The following SSU72 variants were observed in gnomAD, a reference collection of about 807,000 sequenced individuals.
SSU72 encodes SSU72 homolog, RNA polymerase II CTD phosphatase.
In SSU72, 12 loss-of-function variants were observed where a neutral mutation model predicts 22.7. The observed-to-expected ratio is 0.53, with a 90% CI of 0.34 to 0.86. The LOEUF is 0.86. SSU72 is among the 40% of genes least tolerant of loss of function. The pLI, the probability that SSU72 is intolerant of heterozygous loss-of-function variation, is 0.02. For synonymous variants in SSU72, 116 were observed against 98.3 expected, an observed-to-expected ratio of 1.18 and a Z score of -1.06; for missense variants, 151 against 249.8, an observed-to-expected ratio of 0.60 and a Z score of 2.67.
chr1:1,552,395 G>T (rs1160743826), intron 2 of SSU72, among the ~76,000 whole-genome samples: 1 of 152,242 alleles, frequency 6.6e-6, no homozygotes, highest in Non-Finnish European at 1.5e-5. Context: ...TGAGGTCAAA[G>T]GTCAGGGAGC....
intron 2 of SSU72, 34 bp downstream of exon 2, chr1:1,564,739 C>T (rs767854588): frequency 4.3e-6 from 7 of 1,614,052 alleles, no homozygotes; most frequent in African/African-American, 2.7e-5. Flanking sequence ...GAGGACCACA[C>T]GGGGGGTTTT....
chr1:1,566,796 G>C (rs921247598), intron 1 of SSU72, among the ~76,000 whole-genome samples: 1 of 151,794 alleles, frequency 6.6e-6, no homozygotes, highest in Admixed American at 6.6e-5. Context: ...AGAGGTTGCA[G>C]TGAGCTGAGA....
chr1:1,565,015 C>T, intron 1 of SSU72, 99 bp from the exon 2 acceptor site: 1 of 1,440,820 alleles, frequency 6.9e-7, no homozygotes, highest in South Asian at 1.4e-5. Flanking sequence ...TGAGTAATTT[C>T]ATTGGCTCAT....
In SSU72 at chr1:1,541,758, G is replaced by A; in HGVS notation, c.*308C>T. ...CTGTACAGTCCGGCCCGGTGGGGAGGAGGGAGGGAAGGCAGGCACACGAAG... is the reference window on the plus strand; with the variant it reads ...CTGTACAGTCCGGCCCGGTGGGGAGAAGGGAGGGAAGGCAGGCACACGAAG... On this transcript the variant is annotated 3_prime_UTR_variant, in exon 5 of 5. Coordinates refer to ENST00000291386, the MANE Select transcript of SSU72 (RefSeq NM_014188.3). The A allele has an allele frequency of 2.6e-6, 1 of 388,364 alleles. No individual in the cohort carries two copies. Among genetic ancestry groups the A allele is most frequent in the South Asian group, 2.2e-5 (1 of 45,560 alleles). The allele number at this position is 388,364 out of a possible 1,614,324, so 24.1% of individuals were successfully genotyped here. A position where few individuals can be genotyped will look rare whatever the true frequency, so the allele number is the denominator to read the frequency against.
At chr1:1,573,538 C>T (rs1642766350) in intron 1 of SSU72, among the ~76,000 whole-genome samples, 1 of 151,474 alleles carries the variant, frequency 6.6e-6, no homozygotes, top group Non-Finnish European at 1.5e-5. Flanking sequence ...TGGTCTCCAA[C>T]TCCTGACTTC....
rs889376076 is a variant in SSU72 at position 1,574,062 on chromosome 1, C to A, written c.80+416G>T. Reference sequence around the variant, plus strand: ...AGAAGAAGTAGCAAACACACAAATCCATGGCATTAAAAAAAGAGACCGCTT... The same window carrying A: ...AGAAGAAGTAGCAAACACACAAATCAATGGCATTAAAAAAAGAGACCGCTT... On this transcript the variant is annotated intron_variant, in intron 1 of 4. Coordinates refer to ENST00000291386, the MANE Select transcript of SSU72 (RefSeq NM_014188.3). 1.7e-4 allele frequency among the ~76,000 whole-genome samples: 26 copies of A among 151,588 alleles called. 1 individual carries two copies. Among genetic ancestry groups the A allele is most frequent in the Admixed American group, 1.7e-3 (26 of 15,216 alleles).
At chr1:1,566,411 C>G (rs1642661768) in intron 1 of SSU72, among the ~76,000 whole-genome samples, 2 of 152,122 alleles carry the variant, frequency 1.3e-5, no homozygotes, top group African/African-American at 4.8e-5. Flanking sequence ...AGGAATCTGC[C>G]TGGCTCAGGG....
chr1:1,551,077 CA>C lies in SSU72; in HGVS notation c.225-6076del, dbSNP rs1217545331. 3.3e-5 allele frequency among the ~76,000 whole-genome samples: 5 copies of C among 152,274 alleles called. No individual in the cohort carries two copies. In the East Asian group the frequency reaches 9.6e-4, roughly 29 times the overall value. Reference sequence around the variant, plus strand: ...CCTGGCTGCTTCCCCAGGCCAGCTGCACGGGGACCTTCCATGTGGGTTAAAT... The same window carrying C: ...CCTGGCTGCTTCCCCAGGCCAGCTGCCGGGGACCTTCCATGTGGGTTAAAT... On this transcript the variant is annotated intron_variant, in intron 2 of 4. Transcript: ENST00000291386.
chr1:1,572,157 G>C (rs549853934), intron 1 of SSU72, among the ~76,000 whole-genome samples: 1 of 149,124 alleles, frequency 6.7e-6, no homozygotes, highest in East Asian at 2.1e-4. Flanking sequence ...GCCAGGCGCA[G>C]TAGCTCACGC....
chr1:1,553,138 G>A (rs1024576863), intron 2 of SSU72, among the ~76,000 whole-genome samples: 10 of 152,006 alleles, frequency 6.6e-5, no homozygotes, highest in African/African-American at 1.7e-4. Flanking sequence ...GAGGAAAGCC[G>A]GTCTCTGCAC....
intron 2 of SSU72, among the ~76,000 whole-genome samples, chr1:1,555,257 G>A (rs569319349): frequency 1.3e-5 from 2 of 152,296 alleles, no homozygotes; most frequent in East Asian, 1.9e-4. Context: ...TCAAAGCACC[G>A]ACACAGGAGG....
At chr1:1,544,202 G>A (rs114557535) in intron 3 of SSU72, among the ~76,000 whole-genome samples, 1,874 of 152,326 alleles carry the variant, frequency 0.012, 41 homozygotes, top group African/African-American at 0.042. Flanking sequence ...AGCACAAGCT[G>A]GTCTGGGACT....
At chr1:1,549,098 T>C (rs953939058) in intron 2 of SSU72, among the ~76,000 whole-genome samples, 4 of 152,102 alleles carry the variant, frequency 2.6e-5, no homozygotes, top group Admixed American at 6.5e-5. Context: ...TATTGTCTCA[T>C]GCAACAGAAA....
intron 1 of SSU72, among the ~76,000 whole-genome samples, chr1:1,569,833 A>C (rs1642707299): frequency 6.6e-6 from 1 of 150,728 alleles, no homozygotes; most frequent in African/African-American, 2.4e-5. Context: ...AGGTTCACTG[A>C]TCAGCTAGCT....
chr1:1,559,377 G>A (rs1290483447), intron 2 of SSU72, among the ~76,000 whole-genome samples: 2 of 152,152 alleles, frequency 1.3e-5, no homozygotes, highest in Non-Finnish European at 2.9e-5. Flanking sequence ...TTGTGGTGAC[G>A]GCTGCAACTC....
chr1:1,551,855 C>G (rs1015765240), intron 2 of SSU72, among the ~76,000 whole-genome samples: 25 of 152,224 alleles, frequency 1.6e-4, no homozygotes, highest in African/African-American at 6.0e-4. Context: ...AGGGCCACGC[C>G]GGGCCACCAC....
rs147377492 is a variant in SSU72, at chr1:1,558,095, G to A, written c.224+6678C>T. On this transcript the variant is annotated intron_variant, in intron 2 of 4. Coordinates refer to ENST00000291386, the MANE Select transcript of SSU72 (RefSeq NM_014188.3). ...CACATGCCTGAAATCCCAGCTACTC[G>A]GGAGGCTGAGGCAGGAAAATCGCTT... Among the ~76,000 whole-genome samples, 624 of 151,780 alleles carry A rather than the reference G, an allele frequency of 4.1e-3. 5 individuals carry two copies. Among genetic ancestry groups the A allele is most frequent in the Middle Eastern group, 0.017 (5 of 290 alleles).
chr1:1,556,161 G>A (rs1216032193), intron 2 of SSU72, among the ~76,000 whole-genome samples: 4 of 152,180 alleles, frequency 2.6e-5, no homozygotes, highest in East Asian at 3.9e-4. Context: ...GGCCAGGCAC[G>A]GTGGCTCACG....
intron 2 of SSU72, among the ~76,000 whole-genome samples, chr1:1,547,016 G>C (rs1451806614): frequency 6.6e-6 from 1 of 152,048 alleles, no homozygotes; most frequent in Admixed American, 6.6e-5. Context: ...GGCAACAAGA[G>C]CAAGACACCG....
Sources: allele counts gnomAD v4.1 joint callset (sites outside exome capture counted in the v4.1 genomes callset), GRCh38; gene constraint gnomAD v4.1.1; transcripts MANE v1.5; gene names NCBI Gene and HGNC (gene_info 2026-07-23, HGNC 2026-07-21).